CSMD1: variants seen among roughly 807,000 people sequenced by gnomAD.
CSMD1 encodes the protein CUB and Sushi multiple domains 1, also known as CUB and sushi domain-containing protein 1.
CSMD1 carries 213 observed loss-of-function variants against 417.5 expected under a neutral mutation model. The ratio of observed to expected loss-of-function variants is 0.51; its 90% CI spans 0.46 to 0.57. The LOEUF (loss-of-function observed/expected upper bound fraction) is 0.57, where lower values mean the gene tolerates loss of function less well. Ranked by LOEUF, CSMD1 falls within the 20% of genes least tolerant of loss-of-function variation. The pLI, the probability that CSMD1 is intolerant of heterozygous loss-of-function variation, is 0.00. For synonymous variants in CSMD1, 2,862 were observed against 1,736.8 expected, an observed-to-expected ratio of 1.65 and a Z score of -16.11; for missense variants, 6,923 against 4,529.7, an observed-to-expected ratio of 1.53 and a Z score of -15.17.
intron 49 of CSMD1, among the ~76,000 whole-genome samples, chr8:3,069,665 C>T (rs1813192654): frequency 6.6e-6 from 1 of 152,132 alleles, no homozygotes; most frequent in Admixed American, 6.5e-5. Flanking sequence ...GAGTTGAGTG[C>T]CTGTGGCTTT....
intron 2 of CSMD1, among the ~76,000 whole-genome samples, chr8:4,555,623 T>C (rs1349256719): frequency 6.6e-6 from 1 of 152,314 alleles, no homozygotes; most frequent in African/African-American, 2.4e-5. Context: ...ATGGAGTGTT[T>C]TAATTCTTCA....
At chr8:4,676,449 C>G (rs997188466) in intron 1 of CSMD1, among the ~76,000 whole-genome samples, 1 of 152,134 alleles carries the variant, frequency 6.6e-6, no homozygotes, top group African/African-American at 2.4e-5. Flanking sequence ...TGGAGTATGT[C>G]TTCATTCCTA....
intron 39 of CSMD1, among the ~76,000 whole-genome samples, chr8:3,152,178 G>C (rs1819237415): frequency 6.6e-6 from 1 of 152,194 alleles, no homozygotes. Flanking sequence ...GTGAGAGAGG[G>C]TGAAATAAGT....
chr8:4,759,545 C>G (rs1811895522), intron 1 of CSMD1, among the ~76,000 whole-genome samples: 1 of 151,260 alleles, frequency 6.6e-6, no homozygotes, highest in Non-Finnish European at 1.5e-5. Context: ...GGATTTTTTT[C>G]CTAATGCTCT....
At chr8:3,761,876 T>C (rs765124995) in intron 5 of CSMD1, among the ~76,000 whole-genome samples, 3 of 152,040 alleles carry the variant, frequency 2.0e-5, no homozygotes, top group African/African-American at 4.8e-5. Context: ...GGCAAAGGCC[T>C]TCTCTCTCCC....
intron 3 of CSMD1, among the ~76,000 whole-genome samples, chr8:4,159,216 C>A (rs982976159): frequency 6.6e-6 from 1 of 151,998 alleles, no homozygotes; most frequent in African/African-American, 2.4e-5. Flanking sequence ...GTGCCCAGCC[C>A]GTAATTCTTT....
intron 50 of CSMD1, among the ~76,000 whole-genome samples, chr8:3,045,586 T>G (rs1239499639): frequency 6.6e-6 from 1 of 152,170 alleles, no homozygotes; most frequent in East Asian, 1.9e-4. Flanking sequence ...GGTGACCCCA[T>G]CACCTACTTA....
chr8:3,720,424 ACTATTTC>A (rs1802086119), intron 6 of CSMD1, among the ~76,000 whole-genome samples: 1 of 152,168 alleles, frequency 6.6e-6, no homozygotes, highest in African/African-American at 2.4e-5. Flanking sequence ...CTCACTGTAA[ACTATTTC>A]CTTTAAGCAC....
intron 2 of CSMD1, among the ~76,000 whole-genome samples, chr8:4,601,603 T>C (rs1044021332): frequency 7.2e-5 from 11 of 152,190 alleles, no homozygotes; most frequent in Non-Finnish European, 1.2e-4. Flanking sequence ...AGTACTTTCC[T>C]GCCAGCCTTC....
intron 7 of CSMD1, among the ~76,000 whole-genome samples, chr8:3,671,036 GGGATATATATGTATATA>G (rs1174869081): frequency 7.5e-6 from 1 of 133,434 alleles, no homozygotes; most frequent in African/African-American, 2.6e-5. Context: ...ATATGCATAT[GGGATATATATGTATATA>G]GGATATATAT....
chr8:4,079,029 C>T (rs1799984991), intron 3 of CSMD1, among the ~76,000 whole-genome samples: 1 of 149,462 alleles, frequency 6.7e-6, no homozygotes, highest in South Asian at 2.1e-4. Flanking sequence ...TTGTTGTGTC[C>T]AGGTATGGAC....
At chr8:3,728,211 T>G (rs1347842906) in intron 6 of CSMD1, among the ~76,000 whole-genome samples, 1 of 152,166 alleles carries the variant, frequency 6.6e-6, no homozygotes, top group Non-Finnish European at 1.5e-5. Context: ...TCTCATGTGA[T>G]CTGATGGTTT....
chr8:4,142,436 T>A (rs117655944), intron 3 of CSMD1, among the ~76,000 whole-genome samples: 45,251 of 150,872 alleles, frequency 0.3, 8,433 homozygotes, highest in Non-Finnish European at 0.39. Flanking sequence ...ATAACAGAAC[T>A]AGTTTCCCTC....
intron 49 of CSMD1, among the ~76,000 whole-genome samples, chr8:3,063,341 G>A (rs1475897262): frequency 6.6e-6 from 1 of 152,100 alleles, no homozygotes; most frequent in Non-Finnish European, 1.5e-5. Flanking sequence ...GCAAAAACTA[G>A]GAAATAATGA....
intron 55 of CSMD1, among the ~76,000 whole-genome samples, chr8:2,977,613 A>G (rs774888479): frequency 1.3e-5 from 2 of 152,232 alleles, no homozygotes; most frequent in African/African-American, 2.4e-5. Flanking sequence ...TTAGCACTGC[A>G]AAAGAAACTA....
Position 3,322,144 on chromosome 8 carries a change from A to T in CSMD1, c.3632-13641T>A, listed in dbSNP as rs1015148735. 2.6e-5 allele frequency among the ~76,000 whole-genome samples: 4 copies of T among 152,210 alleles called. No individual in the cohort carries two copies. In the South Asian group the frequency reaches 8.3e-4, roughly 32 times the overall value. ...ACCAAATACTGTTATTTTGGTCATA[A>T]TGAGTTTGAGGATGATAAATGAACT... On this transcript the variant is annotated intron_variant, in intron 23 of 69. Coordinates refer to ENST00000635120, the MANE Select transcript of CSMD1 (RefSeq NM_033225.6).
rs34060531 is a variant in CSMD1 at position 3,119,384 on chromosome 8, T to TAAAAAAAAAA, written c.6242-807_6242-798dup. On this transcript the variant is annotated intron_variant, in intron 41 of 69. Transcript: ENST00000635120. ...CATTGCAGTTTTTTTAGTCTTTTTC[T>TAAAAAAAAAA]AAAAAAAAAAAAAAAAAAAAAAAAA... Among the ~76,000 whole-genome samples the TAAAAAAAAAA allele has an allele frequency of 3.4e-5, 3 of 88,232 alleles. 1 individual carries two copies. Among genetic ancestry groups the TAAAAAAAAAA allele is most frequent in the Non-Finnish European group, 7.0e-5 (3 of 42,894 alleles). The allele number at this position is 88,232 out of a possible 152,430, so 57.9% of individuals were successfully genotyped here.
At chr8:3,809,222 G>C (rs1800923613) in intron 5 of CSMD1, among the ~76,000 whole-genome samples, 1 of 152,106 alleles carries the variant, frequency 6.6e-6, no homozygotes, top group African/African-American at 2.4e-5. Context: ...CTCCAGTTAA[G>C]TTTCACTTCA....
chr8:4,977,752 T>G (rs1172145902), intron 1 of CSMD1, among the ~76,000 whole-genome samples: 1 of 152,176 alleles, frequency 6.6e-6, no homozygotes, highest in Non-Finnish European at 1.5e-5. Context: ...TGCAGGCAGG[T>G]TCACCTGCTA....
Sources: gnomAD v4.1 joint callset for allele counts (sites outside exome capture counted in the v4.1 genomes callset) on GRCh38, gnomAD v4.1.1 for gene constraint, MANE v1.5 for transcripts, NCBI Gene and HGNC (gene_info 2026-07-23, HGNC 2026-07-21) for gene names.